ULK4: variants seen among roughly 807,000 people sequenced by gnomAD.
ULK4 encodes the protein inactive serine/threonine-protein kinase ULK4.
ULK4 carries 133 observed loss-of-function variants against 160.6 expected under a neutral mutation model. That is an observed-to-expected ratio of 0.83 (90% confidence interval 0.72 to 0.96). The LOEUF (loss-of-function observed/expected upper bound fraction) is 0.96, where lower values mean the gene tolerates loss of function less well. ULK4 is among the 40% of genes least tolerant of loss of function. ULK4 has a pLI of 0.00. For missense variants in ULK4, 1,580 were observed against 1,499.5 expected (o/e 1.05, Z -0.89); for synonymous variants, 534 against 539.8 (o/e 0.99, Z 0.15).
intron 35 of ULK4, among the ~76,000 whole-genome samples, chr3:41,365,506 G>C (rs1031667207): frequency 6.6e-6 from 1 of 152,116 alleles, no homozygotes; most frequent in Admixed American, 6.5e-5. Flanking sequence ...AATGACAACA[G>C]CAATTAATAG....
At chr3:41,758,656 C>T (rs1389176579) in intron 21 of ULK4, among the ~76,000 whole-genome samples, 1 of 152,076 alleles carries the variant, frequency 6.6e-6, no homozygotes, top group Non-Finnish European at 1.5e-5. Context: ...GAGGCCGAAG[C>T]GGGTGGATCA....
At chr3:41,303,361 G>A (rs574217074) in intron 35 of ULK4, among the ~76,000 whole-genome samples, 4 of 152,118 alleles carry the variant, frequency 2.6e-5, no homozygotes, top group Admixed American at 2.0e-4. Context: ...TCTAGTTCAC[G>A]CTAGAGTATT....
At chr3:41,486,134 T>A (rs1300280434) in intron 32 of ULK4, among the ~76,000 whole-genome samples, 1 of 152,104 alleles carries the variant, frequency 6.6e-6, no homozygotes, top group Non-Finnish European at 1.5e-5. Flanking sequence ...TGCACGTATC[T>A]CATGAATATC....
At chr3:41,731,632 A>G (rs2037825668) in intron 22 of ULK4, among the ~76,000 whole-genome samples, 1 of 151,720 alleles carries the variant, frequency 6.6e-6, no homozygotes, top group Non-Finnish European at 1.5e-5. Flanking sequence ...AAAAAATTCT[A>G]AATTTTTTTT....
intron 32 of ULK4, among the ~76,000 whole-genome samples, chr3:41,466,763 T>C (rs1216737889): frequency 1.3e-5 from 2 of 152,198 alleles, no homozygotes; most frequent in Non-Finnish European, 2.9e-5. Context: ...TCTACATGTA[T>C]ATATGTATGT....
intron 21 of ULK4, among the ~76,000 whole-genome samples, chr3:41,757,077 C>T (rs1002981536): frequency 2.6e-5 from 4 of 151,992 alleles, no homozygotes; most frequent in African/African-American, 9.7e-5. Flanking sequence ...ATTTGCAGCA[C>T]ATTTTTTTAA....
chr3:41,672,180 T>TAG (rs2035564199), intron 29 of ULK4, among the ~76,000 whole-genome samples: 1 of 152,106 alleles, frequency 6.6e-6, no homozygotes. Flanking sequence ...AAACTTAAAA[T>TAG]AGAACTACCA....
At chr3:41,622,167 T>C (rs2033273509) in intron 30 of ULK4, among the ~76,000 whole-genome samples, 1 of 152,034 alleles carries the variant, frequency 6.6e-6, no homozygotes, top group Non-Finnish European at 1.5e-5. Context: ...TTGGTGGGAG[T>C]GTAAATTACT....
intron 21 of ULK4, among the ~76,000 whole-genome samples, chr3:41,757,408 A>G (rs1281533897): frequency 1.5e-4 from 23 of 152,076 alleles, no homozygotes; most frequent in Non-Finnish European, 2.9e-4. Flanking sequence ...CAAGGCGGGC[A>G]GAACACGTGG....
intron 31 of ULK4, among the ~76,000 whole-genome samples, chr3:41,580,777 C>G (rs921733318): frequency 6.6e-6 from 1 of 152,160 alleles, no homozygotes; most frequent in South Asian, 2.1e-4. Flanking sequence ...TCCAGATGCA[C>G]ACAAGGATGC....
intron 16 of ULK4, among the ~76,000 whole-genome samples, chr3:41,888,705 T>C (rs1697814386): frequency 6.6e-6 from 1 of 152,162 alleles, no homozygotes; most frequent in African/African-American, 2.4e-5. Flanking sequence ...GCAATCCACC[T>C]TGGGGTGGGA....
intron 19 of ULK4, among the ~76,000 whole-genome samples, chr3:41,818,198 A>G (rs1297171206): frequency 6.6e-6 from 1 of 152,150 alleles, no homozygotes; most frequent in African/African-American, 2.4e-5. Flanking sequence ...CTAAAGAAAG[A>G]AAACCAGTAT....
At chr3:41,641,053 T>C (rs544460309) in intron 30 of ULK4, among the ~76,000 whole-genome samples, 41 of 152,204 alleles carry the variant, frequency 2.7e-4, no homozygotes, top group Non-Finnish European at 4.0e-4. Flanking sequence ...ATAAGATGCA[T>C]TGAGTTTGAT....
At chr3:41,837,540 T>A (rs998801163) in intron 17 of ULK4, among the ~76,000 whole-genome samples, 1 of 151,958 alleles carries the variant, frequency 6.6e-6, no homozygotes, top group African/African-American at 2.4e-5. Context: ...TTGAGATTCA[T>A]CCATGTTGCT....
chr3:41,796,282 C>T (rs1157981460), intron 20 of ULK4, among the ~76,000 whole-genome samples: 1 of 152,072 alleles, frequency 6.6e-6, no homozygotes, highest in Non-Finnish European at 1.5e-5. Context: ...GAGAAGAGTT[C>T]TACAAACACA....
At chr3:41,757,066 T>C (rs551850112) in intron 21 of ULK4, among the ~76,000 whole-genome samples, 271 of 150,982 alleles carry the variant, frequency 1.8e-3, no homozygotes, top group Admixed American at 5.1e-3. Context: ...TAAACTAGAG[T>C]ATTTGCAGCA....
rs745998843 is a variant in ULK4, at chr3:41,800,207, T to G, written c.1935A>C (p.Thr645=). 2 of 1,613,766 alleles carry G rather than the reference T, an allele frequency of 1.2e-6. No homozygotes were observed. The highest frequency in any genetic ancestry group is 1.7e-5 in the Admixed American group (1 of 59,928). ...ACCACAAAATGGGTCCTATTTCTCCTGTAATAAAGCCCTGGGACTGAGCAG... is the reference window on the plus strand; with the variant it reads ...ACCACAAAATGGGTCCTATTTCTCCGGTAATAAAGCCCTGGGACTGAGCAG... The part of the protein sequence containing the change: ...TFSAQSQGFI[T]GEIGPILWYL... Residue 645 remains threonine (T), a synonymous_variant, in exon 20 of 37, where the codon ACA becomes ACC. Transcript: ENST00000301831.
chr3:41,688,342 C>G (rs1261377451), intron 27 of ULK4, among the ~76,000 whole-genome samples: 1 of 152,020 alleles, frequency 6.6e-6, no homozygotes, highest in Non-Finnish European at 1.5e-5. Flanking sequence ...TCGCTTGAGC[C>G]CAGGAGTTTG....
At chr3:41,398,510 A>G (rs2082113305) in intron 34 of ULK4, among the ~76,000 whole-genome samples, 1 of 150,264 alleles carries the variant, frequency 6.7e-6, no homozygotes, top group African/African-American at 2.5e-5. Context: ...CAGCCTCCTG[A>G]GTAGCTGGGA....
Sources: allele counts gnomAD v4.1 joint callset (sites outside exome capture counted in the v4.1 genomes callset), GRCh38; gene constraint gnomAD v4.1.1; transcripts MANE v1.5; gene names NCBI Gene and HGNC (gene_info 2026-07-23, HGNC 2026-07-21).